TMUB2: variants seen among roughly 807,000 people sequenced by gnomAD.
TMUB2 encodes transmembrane and ubiquitin like domain containing 2.
Under a neutral mutation model 20.2 loss-of-function variants are expected in TMUB2, and 19 were observed. The observed-to-expected ratio is 0.94, with a 90% CI of 0.66 to 1.38. TMUB2 has a LOEUF of 1.38. Among genes scored for constraint, TMUB2 ranks in the 40% most tolerant of loss-of-function variants. The pLI is 0.00. For missense variants in TMUB2, 426 were observed against 402.5 expected (o/e 1.06, Z -0.50); for synonymous variants, 186 against 166.0 (o/e 1.12, Z -0.92).
rs1213830750 is a variant in TMUB2, at chr17:44,189,503, C to T, written c.517C>T (p.Leu173Phe). ...DSTCLPPSPGLITVRLKFLND... is the reference protein window; with the variant it reads ...DSTCLPPSPGFITVRLKFLND... Reference sequence around the variant, plus strand: ...CACCTGCCTCCCTCCCAGCCCTGGCCTCATCACTGTGCGGCTCAAATTCCT... The same window carrying T: ...CACCTGCCTCCCTCCCAGCCCTGGCTTCATCACTGTGCGGCTCAAATTCCT... The change falls in exon 3 of 4, where the codon CTC becomes TTC. Residue 173 changes from leucine (L) to phenylalanine (F), a missense_variant. By Grantham distance (22) the Leu-to-Phe change is conservative. Transcript: ENST00000538716. 2 of 1,614,016 alleles carry T rather than the reference C, an allele frequency of 1.2e-6. No individual in the cohort carries two copies. Among genetic ancestry groups the T allele is most frequent in the East Asian group, 2.2e-5 (1 of 44,884 alleles).
At chr17:44,190,367 A>AAAAAAG (rs2055323537) in intron 3 of TMUB2, 134 bp from the exon 4 acceptor site, 1 of 909,684 alleles carries the variant, frequency 1.1e-6, no homozygotes, top group Admixed American at 3.4e-5. Context: ...AAAAAAAAAA[A>AAAAAAG]AAAAGGATAA....
At position 44,190,758 on chromosome 17, in the gene TMUB2, A is replaced by C. The variant is rs1299351154; in HGVS notation, c.860A>C (p.Tyr287Ser). The C allele has an allele frequency of 1.2e-6, 2 of 1,614,150 alleles. No homozygotes were observed. Among genetic ancestry groups the C allele is most frequent in the South Asian group, 2.2e-5 (2 of 91,090 alleles). ...GTGGTGCTGTTGGGTGTGGTCTGGTACTTCCGAATCAATTACCGCCAATTC... is the reference window on the plus strand; with the variant it reads ...GTGGTGCTGTTGGGTGTGGTCTGGTCCTTCCGAATCAATTACCGCCAATTC... ...VFVVLLGVVW[Y>S]FRINYRQFFT... is the part of the protein sequence containing the mutation. The change falls in exon 4 of 4, where the codon TAC becomes TCC. Residue 287 changes from tyrosine to serine, a missense_variant. Tyr to Ser is a moderately radical substitution (Grantham distance 144, BLOSUM62 -2). Transcript: ENST00000538716.
chr17:44,188,119 G>T, intron 2 of TMUB2: 1 of 215,876 alleles, frequency 4.6e-6, no homozygotes. Context: ...ATTCTCCAAG[G>T]GAAATAGTAG....
At position 44,190,072 on chromosome 17, in the gene TMUB2, C is replaced by T. The variant is rs377500296; in HGVS notation, c.603-429C>T. ...AAGGATAAAGATGAGGGGGGCCTGT[C>T]GCGGTGGCTCACGCCTGTAATCCCA... On this transcript the variant is annotated intron_variant, in intron 3 of 3. Transcript: ENST00000538716. 2.1e-3 allele frequency: 354 copies of T among 170,558 alleles called. 14 individuals are homozygous for T. In the South Asian group the frequency reaches 0.052, roughly 25 times the overall value. The allele number at this position is 170,558 out of a possible 1,614,324, so 10.6% of individuals were successfully genotyped here. A position where few individuals can be genotyped will look rare whatever the true frequency, so the allele number is the denominator to read the frequency against.
chr17:44,188,890 T>C (rs2054896162), intron 2 of TMUB2, 132 bp from the exon 3 acceptor site: 1 of 1,398,814 alleles, frequency 7.1e-7, no homozygotes, highest in South Asian at 1.7e-5. Context: ...GGAAGGTTTG[T>C]GCCCCCTTCT....
At chr17:44,188,827 T>C (rs928845635) in intron 2 of TMUB2, 195 bp from the exon 3 acceptor site, 4 of 878,380 alleles carry the variant, frequency 4.6e-6, no homozygotes, top group Admixed American at 3.6e-5. Context: ...AGTTTCACAA[T>C]AGAGGCAAAG....
intron 1 of TMUB2, 172 bp from the exon 2 acceptor site, chr17:44,187,504 G>A: frequency 1.7e-6 from 1 of 599,448 alleles, no homozygotes; most frequent in Non-Finnish European, 3.0e-6. Context: ...GGGTCCTGCC[G>A]GGCCCCTCCC....
chr17:44,191,081 G>C lies in TMUB2; in HGVS notation c.*217G>C. On this transcript the variant is annotated 3_prime_UTR_variant, in exon 4 of 4. Coordinates refer to ENST00000538716, the MANE Select transcript of TMUB2 (RefSeq NM_001076674.3). ...GCGAGCACAACTCAGGTAGAAATGAGGATGTCATCTTCCTTCACTTTTAGG... is the reference window on the plus strand; with the variant it reads ...GCGAGCACAACTCAGGTAGAAATGACGATGTCATCTTCCTTCACTTTTAGG... 1.5e-6 allele frequency: 2 copies of C among 1,344,068 alleles called. No individual in the cohort carries two copies. The highest frequency in any genetic ancestry group is 9.5e-7 in the Non-Finnish European group (1 of 1,048,924). 83.3% of individuals were successfully genotyped at this position (1,344,068 alleles called of 1,614,324 possible).
intron 2 of TMUB2, chr17:44,187,984 C>T (rs2054723806): frequency 3.7e-6 from 2 of 542,544 alleles, no homozygotes; most frequent in African/African-American, 1.9e-5. Context: ...CCTTGTCTAC[C>T]AGGAGTCTAA....
chr17:44,187,832 G>T, intron 2 of TMUB2, 89 bp downstream of exon 2: 2 of 709,306 alleles, frequency 2.8e-6, no homozygotes, highest in East Asian at 5.4e-5. Flanking sequence ...TAAGACGCAA[G>T]ACTGGGGTTA....
At position 44,189,511 on chromosome 17, in the gene TMUB2, T is replaced by C; in HGVS notation, c.525T>C (p.Thr175=). The change falls in exon 3 of 4, where the codon ACT becomes ACC. Residue 175 remains threonine (T), a synonymous_variant. Transcript: ENST00000538716. ...TCCCTCCCAGCCCTGGCCTCATCACTGTGCGGCTCAAATTCCTCAATGATA... is the reference window on the plus strand; with the variant it reads ...TCCCTCCCAGCCCTGGCCTCATCACCGTGCGGCTCAAATTCCTCAATGATA... ...TCLPPSPGLI[T]VRLKFLNDTE... is the part of the protein sequence containing the mutation. 6.2e-7 allele frequency: 1 copy of C among 1,613,824 alleles called. No homozygotes were observed. Among genetic ancestry groups the C allele is most frequent in the Non-Finnish European group, 8.5e-7 (1 of 1,179,860 alleles).
rs1013163413 is a variant in TMUB2, at chr17:44,191,362, C to T, written c.*498C>T. ...TGGCGGGAATGAAGATTGTGCCAGC[C>T]TTCTCTTATGGGCACCTAGCCGCCT... On this transcript the variant is annotated 3_prime_UTR_variant, in exon 4 of 4. Coordinates refer to ENST00000538716, the MANE Select transcript of TMUB2 (RefSeq NM_001076674.3). 2 of 988,336 alleles carry T rather than the reference C, an allele frequency of 2.0e-6. No homozygotes were observed. The highest frequency in any genetic ancestry group is 1.2e-6 in the Non-Finnish European group (1 of 831,578). The allele number at this position is 988,336 out of a possible 1,614,324, so 61.2% of individuals were successfully genotyped here. A position where few individuals can be genotyped will look rare whatever the true frequency, so the allele number is the denominator to read the frequency against.
chr17:44,188,841 A>G (rs2054885612), intron 2 of TMUB2, 181 bp from the exon 3 acceptor site: 2 of 1,011,062 alleles, frequency 2.0e-6, no homozygotes, highest in East Asian at 2.8e-5. Flanking sequence ...GGCAAAGGGT[A>G]GGGTAGGTCT....
chr17:44,189,325 G>C lies in TMUB2; in HGVS notation c.339G>C (p.Ala113=). ...GTAATGATGAGAAGGCTGAAGAGGC[G>C]GGTGAAGGTCGGGGAGACTCCACTG... ...SEGNDEKAEE[A]GEGRGDSTGE... is the part of the protein sequence containing the mutation. The change falls in exon 3 of 4, where the codon GCG becomes GCC. Residue 113 remains alanine (A), a synonymous_variant. Transcript: ENST00000538716. 6.3e-7 allele frequency: 1 copy of C among 1,593,762 alleles called. No homozygotes were observed.
chr17:44,189,478 C>T lies in TMUB2; in HGVS notation c.492C>T (p.Ser164=). The T allele has an allele frequency of 1.9e-6, 3 of 1,614,102 alleles. No homozygotes were observed. Among genetic ancestry groups the T allele is most frequent in the Non-Finnish European group, 2.5e-6 (3 of 1,179,974 alleles). ...SPEAPLRSED[S]TCLPPSPGLI... ...AGGCCCCCCTGAGATCTGAGGATAG[C>T]ACCTGCCTCCCTCCCAGCCCTGGCC... is the stretch of plus-strand genomic sequence containing the variant. Residue 164 remains serine (S), a synonymous_variant, in exon 3 of 4, where the codon AGC becomes AGT. Coordinates refer to ENST00000538716, the MANE Select transcript of TMUB2 (RefSeq NM_001076674.3).
At chr17:44,187,495 G>A in intron 1 of TMUB2, 181 bp from the exon 2 acceptor site, 1 of 595,558 alleles carries the variant, frequency 1.7e-6, no homozygotes. Context: ...GGACACCTGG[G>A]GTCCTGCCGG....
intron 3 of TMUB2, 115 bp from the exon 4 acceptor site, chr17:44,190,386 G>GAA (rs1017069581): frequency 3.0e-6 from 3 of 1,005,876 alleles, no homozygotes; most frequent in South Asian, 2.0e-5. Flanking sequence ...AAAGATGAGG[G>GAA]AAAAAAAAAT....
chr17:44,189,216 C>T lies in TMUB2; in HGVS notation c.230C>T (p.Ser77Phe), dbSNP rs369002221. ...LGAIVSAGDT[S>F]VLHLGHVDHL... is the part of the protein sequence containing the mutation. ...GCTATTGTGTCAGCAGGCGACACAT[C>T]CGTCCTCCACCTGGGGCATGTGGAC... is the stretch of plus-strand genomic sequence containing the variant. Residue 77 changes from serine (S) to phenylalanine (F), a missense_variant, in exon 3 of 4, where the codon TCC (serine) becomes TTC (phenylalanine). Ser to Phe is a radical substitution (Grantham distance 155, BLOSUM62 -2). Transcript: ENST00000538716. The T allele has an allele frequency of 4.3e-6, 7 of 1,613,772 alleles. No individual in the cohort carries two copies. Among genetic ancestry groups the T allele is most frequent in the Non-Finnish European group, 5.1e-6 (6 of 1,179,778 alleles).
intron 3 of TMUB2, chr17:44,189,998 GAGACTCCATCTA>G: frequency 6.0e-6 from 1 of 166,682 alleles, no homozygotes; most frequent in Non-Finnish European, 1.3e-5. Context: ...GCGACAGAGT[GAGACTCCATCTA>G]AAAAAACAAA....
Sources: allele counts gnomAD v4.1 joint callset, GRCh38; gene constraint gnomAD v4.1.1; transcripts MANE v1.5; gene names NCBI Gene and HGNC (gene_info 2026-07-23, HGNC 2026-07-21).